Variants in COL4A4 observed in about 807,000 individuals in gnomAD.
COL4A4 encodes the protein collagen type IV alpha 4 chain.
A neutral mutation model predicts 192.9 loss-of-function variants in COL4A4; 105 were observed. The ratio of observed to expected loss-of-function variants is 0.54; its 90% CI spans 0.46 to 0.64. The LOEUF is 0.64. Among genes scored for constraint, COL4A4 ranks in the 30% least tolerant of loss-of-function variants. The pLI, the probability that COL4A4 is intolerant of heterozygous loss-of-function variation, is 0.00. For missense variants in COL4A4, 1,967 were observed against 2,169.3 expected (o/e 0.91, Z 1.85); for synonymous variants, 762 against 769.9 (o/e 0.99, Z 0.17).
Position 227,080,525 on chromosome 2 carries a change from T to C in COL4A4, c.1721A>G (p.Asp574Gly). 1.2e-6 allele frequency: 2 copies of C among 1,614,120 alleles called. No homozygotes were observed. The stretch of plus-strand genomic sequence containing the variant: ...CTGCCCTGGAAATCCTGGGGGCCCA[T>C]CAGGACCTCTTTCTCCTTTGTGCCC... ...VKGHKGERGP[D>G]GPPGFPGQPG... is the part of the protein sequence containing the mutation. The change falls in exon 24 of 48, where the codon GAT becomes GGT. Residue 574 changes from aspartate to glycine, a missense_variant. By Grantham distance (94) the Asp-to-Gly change is moderately conservative (BLOSUM62 -1). Transcript: ENST00000396625.
intron 1 of COL4A4, among the ~76,000 whole-genome samples, chr2:227,150,488 C>A (rs1013200446): frequency 6.6e-6 from 1 of 152,118 alleles, no homozygotes; most frequent in Non-Finnish European, 1.5e-5. Flanking sequence ...ACTAAGAATT[C>A]TCTTATTATA....
intron 25 of COL4A4, among the ~76,000 whole-genome samples, chr2:227,076,598 A>T (rs556039017): frequency 8.5e-5 from 13 of 152,334 alleles, no homozygotes; most frequent in African/African-American, 3.1e-4. Context: ...TTCATGATTA[A>T]AATACCAAAA....
At chr2:227,096,349 T>C (rs2060205507) in intron 19 of COL4A4, among the ~76,000 whole-genome samples, 1 of 152,124 alleles carries the variant, frequency 6.6e-6, no homozygotes, top group Non-Finnish European at 1.5e-5. Flanking sequence ...ACTGTACTGA[T>C]TGCTATTGTT....
chr2:227,093,570 G>T (rs1324291444), intron 20 of COL4A4, among the ~76,000 whole-genome samples: 1 of 151,574 alleles, frequency 6.6e-6, no homozygotes, highest in South Asian at 2.1e-4. Flanking sequence ...GATTCAACAC[G>T]TTAGGACCAT....
chr2:227,145,999 T>TTA (rs1412449648), intron 2 of COL4A4, among the ~76,000 whole-genome samples: 1 of 152,250 alleles, frequency 6.6e-6, no homozygotes, highest in Admixed American at 6.5e-5. Context: ...GTTAAATGAG[T>TTA]TATTATCACT....
chr2:227,082,214 T>C (rs760964874), intron 22 of COL4A4, 27 bp from the exon 23 acceptor site: 53 of 1,580,402 alleles, frequency 3.4e-5, no homozygotes, highest in Non-Finnish European at 4.3e-5. Flanking sequence ...AGAAACAAAT[T>C]AGGTTAATTG....
chr2:227,062,656 T>C, intron 25 of COL4A4, 58 bp from the exon 26 acceptor site: 1 of 1,178,638 alleles, frequency 8.5e-7, no homozygotes, highest in Non-Finnish European at 1.3e-6. Context: ...GCAATGTGAG[T>C]CTGTCTCAAT....
chr2:227,024,741 A>G (rs1323311886), intron 43 of COL4A4, among the ~76,000 whole-genome samples: 1 of 152,292 alleles, frequency 6.6e-6, no homozygotes, highest in Non-Finnish European at 1.5e-5. Flanking sequence ...CAAGCCACAC[A>G]GGGCCAAATG....
chr2:227,089,578 G>T, intron 21 of COL4A4, among the ~76,000 whole-genome samples: 1 of 82,476 alleles, frequency 1.2e-5, no homozygotes, highest in East Asian at 3.5e-4. Context: ...TTCATGGCAG[G>T]CAAATGTTCC....
chr2:227,042,574 A>AAC (rs1320319961), intron 36 of COL4A4, among the ~76,000 whole-genome samples: 2 of 152,180 alleles, frequency 1.3e-5, no homozygotes, highest in East Asian at 3.9e-4. Context: ...CAAACAAACA[A>AAC]ACAAACAAAA....
chr2:227,118,704 A>G lies in COL4A4; in HGVS notation c.430T>C (p.Ser144Pro), dbSNP rs1423990568. 1 of 1,613,884 alleles carries G rather than the reference A, an allele frequency of 6.2e-7. No individual in the cohort carries two copies. Among genetic ancestry groups the G allele is most frequent in the South Asian group, 1.1e-5 (1 of 91,080 alleles). ...CCTGGAAACCCTGGGTCACCTCTTG[A>G]GCCATTGTGGCCACTCATACCAGGT... is the stretch of plus-strand genomic sequence containing the variant. Reference protein sequence around the residue: ...GKPGMSGHNGSRGDPGFPGGR... With the variant: ...GKPGMSGHNGPRGDPGFPGGR... The change falls in exon 7 of 48, where the codon TCA becomes CCA. Residue 144 changes from serine (S) to proline (P), a missense_variant. Transcript: ENST00000396625.
At chr2:227,151,439 C>G (rs2063937374) in intron 1 of COL4A4, among the ~76,000 whole-genome samples, 1 of 152,080 alleles carries the variant, frequency 6.6e-6, no homozygotes, top group African/African-American at 2.4e-5. Context: ...AGCTCAAGAT[C>G]AACGATCCTT....
At chr2:227,020,650 C>T (rs1312768708) in intron 44 of COL4A4, among the ~76,000 whole-genome samples, 1 of 151,904 alleles carries the variant, frequency 6.6e-6, no homozygotes, top group African/African-American at 2.4e-5. Flanking sequence ...CAAAAAAAGT[C>T]CAAATCATAG....
At chr2:227,017,652 G>A (rs970762260) in intron 44 of COL4A4, among the ~76,000 whole-genome samples, 1 of 152,204 alleles carries the variant, frequency 6.6e-6, no homozygotes, top group African/African-American at 2.4e-5. Context: ...GCCTCCTGTG[G>A]TGGACTAATC....
At chr2:227,082,052 C>T (rs2059353578) in intron 23 of COL4A4, 63 bp downstream of exon 23, 2 of 1,338,856 alleles carry the variant, frequency 1.5e-6, no homozygotes, top group Non-Finnish European at 2.2e-6. Flanking sequence ...GAAATTACTG[C>T]AAGAGGAGGG....
At chr2:227,118,808 T>C in intron 6 of COL4A4, 47 bp from the exon 7 acceptor site, 1 of 1,191,258 alleles carries the variant, frequency 8.4e-7, no homozygotes, top group Non-Finnish European at 1.2e-6. Context: ...GAAAATATCA[T>C]TACATAAAGG....
At chr2:227,083,617 GA>G (rs1407718744) in intron 22 of COL4A4, among the ~76,000 whole-genome samples, 6 of 152,054 alleles carry the variant, frequency 3.9e-5, no homozygotes, top group African/African-American at 1.4e-4. Flanking sequence ...TGGCTAATTG[GA>G]TTTTACTTTT....
At chr2:227,127,960 C>A (rs1237224608) in intron 4 of COL4A4, among the ~76,000 whole-genome samples, 1 of 152,154 alleles carries the variant, frequency 6.6e-6, no homozygotes, top group African/African-American at 2.4e-5. Flanking sequence ...AAGACCATGA[C>A]ATTTATCATA....
rs193156149 is a variant in COL4A4, at chr2:227,138,261, T to C, written c.192+1900A>G. Among the ~76,000 whole-genome samples the C allele has an allele frequency of 5.0e-3, 759 of 152,178 alleles. 6 individuals are homozygous for C. The highest frequency in any genetic ancestry group is 0.018 in the African/African-American group (727 of 41,500). On this transcript the variant is annotated intron_variant, in intron 4 of 47. Coordinates refer to ENST00000396625, the MANE Select transcript of COL4A4 (RefSeq NM_000092.5). ...TGAGCCCAAGAGTTTGAGGTTGCAG[T>C]GAGCCAAGATCATGCCATTGCACTC...
Sources: gnomAD v4.1 joint callset for allele counts (sites outside exome capture counted in the v4.1 genomes callset) on GRCh38, gnomAD v4.1.1 for gene constraint, MANE v1.5 for transcripts, NCBI Gene and HGNC (gene_info 2026-07-23, HGNC 2026-07-21) for gene names.